Variants in METTL15 observed in about 807,000 individuals in gnomAD.
METTL15 encodes methyltransferase 15, mitochondrial 12S rRNA N4-cytidine.
Under a neutral mutation model 38.3 loss-of-function variants are expected in METTL15, and 34 were observed. The observed-to-expected ratio is 0.89, with a 90% CI of 0.68 to 1.18. The LOEUF (loss-of-function observed/expected upper bound fraction) is 1.18, where lower values mean the gene tolerates loss of function less well. Among genes scored for constraint, METTL15 ranks in the 50% most tolerant of loss-of-function variants. The pLI, the probability that METTL15 is intolerant of heterozygous loss-of-function variation, is 0.00. For synonymous variants in METTL15, 162 were observed against 170.9 expected (o/e 0.95, Z 0.41); for missense variants, 438 against 498.4 (o/e 0.88, Z 1.15).
At chr11:28,353,223 T>C (rs1421217818) in intron 4 of METTL15, among the ~76,000 whole-genome samples, 1 of 152,130 alleles carries the variant, frequency 6.6e-6, no homozygotes, top group African/African-American at 2.4e-5. Flanking sequence ...GCTTGGCAGA[T>C]AGCAAAAGGC....
chr11:28,115,935 TAC>T (rs112533269), intron 3 of METTL15, among the ~76,000 whole-genome samples: 2,838 of 142,268 alleles, frequency 0.02, 29 homozygotes, highest in Middle Eastern at 0.043. Context: ...CACATACACA[TAC>T]ACACACACAC....
At chr11:28,337,912 C>G (rs940764548), downstream of METTL15, among the ~76,000 whole-genome samples, 1 of 152,066 alleles carries the variant, frequency 6.6e-6, no homozygotes, top group Non-Finnish European at 1.5e-5. Context: ...CCTGTACTTA[C>G]AATTAGAGCT....
intron 3 of METTL15, among the ~76,000 whole-genome samples, chr11:28,198,384 A>G (rs1173597421): frequency 6.6e-6 from 1 of 152,106 alleles, no homozygotes; most frequent in African/African-American, 2.4e-5. Flanking sequence ...TAATTGAAGG[A>G]CATACTTTAA....
intron 4 of METTL15, among the ~76,000 whole-genome samples, chr11:28,288,707 A>G (rs1364550751): frequency 6.6e-6 from 1 of 152,114 alleles, no homozygotes; most frequent in East Asian, 1.9e-4. Context: ...AAAATAACTA[A>G]TGGATACTAG....
chr11:28,313,391 GATC>G (rs1279747898), intron 6 of METTL15, among the ~76,000 whole-genome samples: 1 of 151,528 alleles, frequency 6.6e-6, no homozygotes, highest in Non-Finnish European at 1.5e-5. Flanking sequence ...TAATCATAAA[GATC>G]ATGAATTCAT....
intron 6 of METTL15, among the ~76,000 whole-genome samples, chr11:28,511,024 A>C (rs978246139): frequency 6.6e-6 from 1 of 152,176 alleles, no homozygotes; most frequent in Admixed American, 6.5e-5. Flanking sequence ...TAGACTTCTT[A>C]AGATTTTTTT....
intron 4 of METTL15, among the ~76,000 whole-genome samples, chr11:28,289,422 A>G (rs570349475): frequency 6.6e-6 from 1 of 152,216 alleles, no homozygotes; most frequent in South Asian, 2.1e-4. Context: ...AACTCACTCT[A>G]CCCACCTTTA....
At chr11:28,396,984 A>T (rs1421287165) in intron 5 of METTL15, among the ~76,000 whole-genome samples, 1 of 143,544 alleles carries the variant, frequency 7.0e-6, no homozygotes, top group Non-Finnish European at 1.5e-5. Flanking sequence ...AAAACAAACA[A>T]TGGGGAAAGG....
At chr11:28,185,185 A>C (rs1299234632) in intron 3 of METTL15, among the ~76,000 whole-genome samples, 1 of 151,560 alleles carries the variant, frequency 6.6e-6, no homozygotes, top group East Asian at 1.9e-4. Flanking sequence ...ATATTTGTTT[A>C]ATATAATGTA....
intron 6 of METTL15, among the ~76,000 whole-genome samples, chr11:28,300,129 G>T (rs1396181566): frequency 6.6e-6 from 1 of 152,062 alleles, no homozygotes; most frequent in African/African-American, 2.4e-5. Flanking sequence ...GACATGAATT[G>T]TGGGGGACTC....
At chr11:28,119,285 T>A (rs1312912505) in intron 3 of METTL15, among the ~76,000 whole-genome samples, 1 of 152,190 alleles carries the variant, frequency 6.6e-6, no homozygotes, top group Non-Finnish European at 1.5e-5. Flanking sequence ...TACCATTATA[T>A]CTCTAGTGCT....
intron 3 of METTL15, among the ~76,000 whole-genome samples, chr11:28,123,568 A>ATATCATT (rs71449169): frequency 0.38 from 57,071 of 151,418 alleles, 12,269 homozygotes; most frequent in African/African-American, 0.6. Flanking sequence ...GGTGAAACAA[A>ATATCATT]TACCAGGAGG....
intron 4 of METTL15, among the ~76,000 whole-genome samples, chr11:28,215,905 T>A (rs1338349289): frequency 6.6e-6 from 1 of 152,010 alleles, no homozygotes; most frequent in Non-Finnish European, 1.5e-5. Flanking sequence ...TAGTCCCAGG[T>A]ACTCAGGAGG....
intron 5 of METTL15, among the ~76,000 whole-genome samples, chr11:28,367,056 T>C (rs1850192781): frequency 6.6e-6 from 1 of 152,164 alleles, no homozygotes; most frequent in Admixed American, 6.5e-5. Flanking sequence ...GTCCAAATTG[T>C]GGCTTCTGTC....
chr11:28,423,229 C>G (rs1306076752), intron 5 of METTL15, among the ~76,000 whole-genome samples: 1 of 151,838 alleles, frequency 6.6e-6, no homozygotes, highest in Non-Finnish European at 1.5e-5. Context: ...AAAAGAGAAC[C>G]CTTATACACT....
At chr11:28,276,667 A>G (rs1442990669) in intron 4 of METTL15, among the ~76,000 whole-genome samples, 2 of 152,208 alleles carry the variant, frequency 1.3e-5, no homozygotes, top group African/African-American at 2.4e-5. Context: ...TAGAGGCATC[A>G]CATTACCTGA....
intron 4 of METTL15, among the ~76,000 whole-genome samples, chr11:28,281,725 C>T (rs1187089480): frequency 2.6e-5 from 4 of 152,154 alleles, no homozygotes; most frequent in Non-Finnish European, 5.9e-5. Flanking sequence ...AAGTGCCTGA[C>T]ATTTAGTAGA....
At chr11:28,227,942 C>A (rs536610172) in intron 4 of METTL15, among the ~76,000 whole-genome samples, 68 of 151,916 alleles carry the variant, frequency 4.5e-4, no homozygotes, top group African/African-American at 1.6e-3. Flanking sequence ...TAATGATATT[C>A]TAAATAATTA....
At chr11:28,485,192 A>G (rs990233041) in intron 6 of METTL15, among the ~76,000 whole-genome samples, 2 of 151,948 alleles carry the variant, frequency 1.3e-5, no homozygotes, top group African/African-American at 4.8e-5. Flanking sequence ...TCAGCTGTTT[A>G]TTTGAAGGAA....
Sources: allele counts gnomAD v4.1 joint callset (sites outside exome capture counted in the v4.1 genomes callset), GRCh38; gene constraint gnomAD v4.1.1; transcripts MANE v1.5; gene names NCBI Gene and HGNC (gene_info 2026-07-23, HGNC 2026-07-21).